Variants in XRN2 observed in about 807,000 individuals in gnomAD.
XRN2 encodes the protein DHM1-like protein.
A neutral mutation model predicts 138.5 loss-of-function variants in XRN2; 44 were observed. The observed-to-expected ratio is 0.32, with a 90% CI of 0.25 to 0.41. The LOEUF (loss-of-function observed/expected upper bound fraction) is 0.41. Ranked by LOEUF, XRN2 falls within the 10% of genes least tolerant of loss-of-function variation. XRN2 has a pLI of 1.00. For synonymous variants in XRN2, 354 were observed against 369.4 expected (o/e 0.96, Z 0.48); for missense variants, 937 against 1,169.3 (o/e 0.80, Z 2.90).
intron 1 of XRN2, among the ~76,000 whole-genome samples, chr20:21,305,303 G>C (rs1460641640): frequency 2.0e-5 from 3 of 152,180 alleles, no homozygotes; most frequent in Non-Finnish European, 4.4e-5. Context: ...TGTCTCTTAG[G>C]CTGGAGTACG....
chr20:21,328,672 T>TAG lies in XRN2; in HGVS notation c.427+3_427+4insGA, dbSNP rs1181224680. The TAG allele has an allele frequency of 6.2e-7, 1 of 1,612,158 alleles. No homozygotes were observed. Among genetic ancestry groups the TAG allele is most frequent in the Non-Finnish European group, 8.5e-7 (1 of 1,179,094 alleles). On this transcript the variant is annotated splice_region_variant and intron_variant, in intron 4 of 29. Transcript: ENST00000377191. The stretch of plus-strand genomic sequence containing the variant: ...TCAGGGAAGAAATATTGGCAAAAGG[T>TAG]AAAGAATATGCATCTTGAAGTTGGA...
chr20:21,329,278 A>G (rs1056659207), intron 4 of XRN2, among the ~76,000 whole-genome samples: 1 of 152,176 alleles, frequency 6.6e-6, no homozygotes, highest in Non-Finnish European at 1.5e-5. Context: ...TGGTGGCTAC[A>G]TGGGTAGGAA....
intron 6 of XRN2, among the ~76,000 whole-genome samples, chr20:21,331,116 A>G (rs1239773516): frequency 6.6e-6 from 1 of 152,206 alleles, no homozygotes; most frequent in East Asian, 1.9e-4. Flanking sequence ...TTTTAGGTTC[A>G]TAAGCTGGCT....
chr20:21,379,267 C>T (rs1169436220), intron 27 of XRN2, among the ~76,000 whole-genome samples: 2 of 152,134 alleles, frequency 1.3e-5, no homozygotes. Flanking sequence ...TTCTTCCTCT[C>T]AAATGGGTCT....
chr20:21,386,814 T>C, intron 28 of XRN2, 54 bp from the exon 29 acceptor site: 1 of 1,566,274 alleles, frequency 6.4e-7, no homozygotes, highest in Non-Finnish European at 8.7e-7. Flanking sequence ...GATTTTAGGC[T>C]TTGTGCTGTA....
chr20:21,387,029 G>A, intron 29 of XRN2, 23 bp downstream of exon 29: 7 of 1,592,720 alleles, frequency 4.4e-6, no homozygotes, highest in Non-Finnish European at 5.2e-6. Flanking sequence ...GGGATGAAAA[G>A]TATACTGCTC....
chr20:21,354,970 C>T (rs2038558705), intron 21 of XRN2, 98 bp downstream of exon 21: 1 of 914,536 alleles, frequency 1.1e-6, no homozygotes, highest in Non-Finnish European at 1.6e-6. Context: ...GTCAGATTTC[C>T]CATAAAGGGG....
Position 21,331,759 on chromosome 20 carries a change from C to G in XRN2, c.650-9C>G, listed in dbSNP as rs1412390313. ...TATTAATATAAATACATGTTTCTCT[C>G]TTGTTTAGCCCAGCCTAACCATGAC... On this transcript the variant is annotated splice_polypyrimidine_tract_variant and intron_variant, in intron 7 of 29. Transcript: ENST00000377191. 6.2e-7 allele frequency: 1 copy of G among 1,604,798 alleles called. No individual in the cohort carries two copies. The highest frequency in any genetic ancestry group is 1.1e-5 in the South Asian group (1 of 88,570).
rs6137323 is a variant in XRN2 at position 21,354,381 on chromosome 20, A to T, written c.1937-408A>T. ...TTGAAATGCTCTCATTTTACAAAAG[A>T]TGAAACCAAGTACTAGAAAGAAGAA... On this transcript the variant is annotated intron_variant, in intron 20 of 29. Coordinates refer to ENST00000377191, the MANE Select transcript of XRN2 (RefSeq NM_012255.5). Among the ~76,000 whole-genome samples the T allele has an allele frequency of 3.6e-4, 55 of 152,340 alleles. No homozygotes were observed. The South Asian group carries it at 3.9e-3, about 11-fold the overall frequency.
chr20:21,336,422 A>G (rs898298022), intron 13 of XRN2, among the ~76,000 whole-genome samples: 1 of 152,214 alleles, frequency 6.6e-6, no homozygotes, highest in East Asian at 1.9e-4. Flanking sequence ...GGATCATGCT[A>G]CTGCACTCCA....
chr20:21,311,836 CA>C lies in XRN2; in HGVS notation c.75+8372del, dbSNP rs1014811417. On this transcript the variant is annotated intron_variant, in intron 1 of 29. Coordinates refer to ENST00000377191, the MANE Select transcript of XRN2 (RefSeq NM_012255.5). The stretch of plus-strand genomic sequence containing the variant: ...AACCTCGTCTCTACTAAAAAAGTAA[CA>C]AAAAAAAATTAGCTGGGCATAGTGG... Among the ~76,000 whole-genome samples, 21 of 150,752 alleles carry C rather than the reference CA, an allele frequency of 1.4e-4. 1 individual carries two copies. Among genetic ancestry groups the C allele is most frequent in the African/African-American group, 4.4e-4 (18 of 41,124 alleles).
At chr20:21,357,002 G>A (rs2038583656) in intron 23 of XRN2, among the ~76,000 whole-genome samples, 1 of 152,162 alleles carries the variant, frequency 6.6e-6, no homozygotes, top group Non-Finnish European at 1.5e-5. Context: ...TCAAGAGATA[G>A]AAGCAGAGGA....
intron 29 of XRN2, 38 bp from the exon 30 acceptor site, chr20:21,389,235 G>C: frequency 3.2e-6 from 5 of 1,573,066 alleles, no homozygotes; most frequent in Non-Finnish European, 4.3e-6. Context: ...CAGGAGTATC[G>C]GTCCAGAAAA....
chr20:21,365,663 G>A lies in XRN2; in HGVS notation c.2415G>A (p.Arg805=), dbSNP rs756860989. 10 of 1,596,738 alleles carry A rather than the reference G, an allele frequency of 6.3e-6. No individual in the cohort carries two copies. The highest frequency in any genetic ancestry group is 8.5e-7 in the Non-Finnish European group (1 of 1,171,774). ...WKPQLGFNRD[R]RPVHLDQAAF... ...CTCAGCTTGGCTTTAACCGTGACCGGAGGCCTGTGCACCTGGATCAGGCAG... is the reference window on the plus strand; with the variant it reads ...CTCAGCTTGGCTTTAACCGTGACCGAAGGCCTGTGCACCTGGATCAGGCAG... Residue 805 remains arginine, a synonymous_variant, in exon 26 of 30, where the codon CGG becomes CGA. Transcript: ENST00000377191.
In XRN2 at chr20:21,326,380, C is replaced by A. The variant is rs1204598410; in HGVS notation, c.177C>A (p.Ile59=). Residue 59 remains isoleucine (I), a synonymous_variant, in exon 2 of 30, where the codon ATC becomes ATA. Coordinates refer to ENST00000377191, the MANE Select transcript of XRN2 (RefSeq NM_012255.5). ...TGTATTTGGATATGAATGGAATCAT[C>A]CATCCCTGTACTCATCCTGAAGACA... ...DNLYLDMNGI[I]HPCTHPEDKP... 50 of 1,613,744 alleles carry A rather than the reference C, an allele frequency of 3.1e-5. No homozygotes were observed. The highest frequency in any genetic ancestry group is 3.6e-5 in the Non-Finnish European group (43 of 1,179,890).
chr20:21,359,560 C>A (rs1031051975), intron 24 of XRN2, among the ~76,000 whole-genome samples: 2 of 151,862 alleles, frequency 1.3e-5, no homozygotes, highest in African/African-American at 4.8e-5. Context: ...AATCCCAGAT[C>A]TAAATGCATA....
chr20:21,315,642 A>G (rs1269723082), intron 1 of XRN2, among the ~76,000 whole-genome samples: 1 of 152,064 alleles, frequency 6.6e-6, no homozygotes, highest in Non-Finnish European at 1.5e-5. Context: ...ACAGGCAGGC[A>G]CCACCATGCC....
chr20:21,364,025 A>G (rs2038666941), intron 24 of XRN2, among the ~76,000 whole-genome samples: 2 of 151,928 alleles, frequency 1.3e-5, no homozygotes, highest in African/African-American at 4.8e-5. Flanking sequence ...TCTGCCTCTC[A>G]GGTTCACACC....
At chr20:21,373,823 G>A (rs1057223089) in intron 27 of XRN2, among the ~76,000 whole-genome samples, 1 of 152,052 alleles carries the variant, frequency 6.6e-6, no homozygotes, top group Admixed American at 6.5e-5. Context: ...TTTAAATTGG[G>A]TTGTCTATCT....
Sources: gnomAD v4.1 joint callset for allele counts (sites outside exome capture counted in the v4.1 genomes callset) on GRCh38, gnomAD v4.1.1 for gene constraint, MANE v1.5 for transcripts, NCBI Gene and HGNC (gene_info 2026-07-23, HGNC 2026-07-21) for gene names.